ZNF804B: variants seen among roughly 807,000 people sequenced by gnomAD.
ZNF804B encodes zinc finger 804B.
ZNF804B carries 80 observed loss-of-function variants against 101.4 expected under a neutral mutation model. The observed-to-expected ratio is 0.79, with a 90% CI of 0.66 to 0.95. The LOEUF (loss-of-function observed/expected upper bound fraction) is 0.95, where lower values mean the gene tolerates loss of function less well. Among genes scored for constraint, ZNF804B ranks in the 40% least tolerant of loss-of-function variants. The pLI is 0.00. For synonymous variants in ZNF804B, 622 were observed against 558.8 expected (o/e 1.11, Z -1.59); for missense variants, 1,673 against 1,561.9 (o/e 1.07, Z -1.20).
chr7:89,096,153 T>TAAAAAAAA (rs10717569), intron 1 of ZNF804B, among the ~76,000 whole-genome samples: 1 of 136,700 alleles, frequency 7.3e-6, no homozygotes, highest in Non-Finnish European at 1.5e-5. Flanking sequence ...AGACTCCATT[T>TAAAAAAAA]AAAAAAAAAA....
intron 2 of ZNF804B, among the ~76,000 whole-genome samples, chr7:89,318,090 A>T (rs1181070270): frequency 6.6e-6 from 1 of 152,208 alleles, no homozygotes; most frequent in Non-Finnish European, 1.5e-5. Flanking sequence ...TGGTGATTAA[A>T]AGAGAAGGAC....
At chr7:89,139,254 A>G (rs537684821) in intron 1 of ZNF804B, among the ~76,000 whole-genome samples, 1 of 152,278 alleles carries the variant, frequency 6.6e-6, no homozygotes, top group Admixed American at 6.5e-5. Flanking sequence ...TAATAATTAT[A>G]TCAGCATTCA....
intron 1 of ZNF804B, among the ~76,000 whole-genome samples, chr7:88,896,074 C>G (rs1442921529): frequency 6.6e-6 from 1 of 152,134 alleles, no homozygotes; most frequent in Non-Finnish European, 1.5e-5. Context: ...CTGACAAGCA[C>G]TACCTTAGGC....
chr7:89,096,005 A>G (rs930221119), intron 1 of ZNF804B, among the ~76,000 whole-genome samples: 2 of 151,976 alleles, frequency 1.3e-5, no homozygotes, highest in African/African-American at 4.8e-5. Context: ...TAAAAAAAAA[A>G]TTAGCCGGGC....
Position 89,334,807 on chromosome 7 carries a change from C to T in ZNF804B, c.1825C>T (p.His609Tyr). The stretch of plus-strand genomic sequence containing the variant: ...CAAACTTAAGGAAGCTTCAAGGGCC[C>T]ATTGGCAAGGCTGCAGAAAGGCAGT... ...ENKLKEASRA[H>Y]WQGCRKAVLN... Residue 609 changes from histidine (H) to tyrosine (Y), a missense_variant, in exon 4 of 4, where the codon CAT becomes TAT. Physicochemically the swap from His to Tyr is moderately conservative, Grantham distance 83. Transcript: ENST00000333190. 1 of 1,613,814 alleles carries T rather than the reference C, an allele frequency of 6.2e-7. No homozygotes were observed. Among genetic ancestry groups the T allele is most frequent in the South Asian group, 1.1e-5 (1 of 91,064 alleles).
chr7:88,994,434 T>C (rs2116159568), intron 1 of ZNF804B, among the ~76,000 whole-genome samples: 1 of 152,174 alleles, frequency 6.6e-6, no homozygotes, highest in East Asian at 1.9e-4. Context: ...TTTCAGCTAT[T>C]TCATGACACA....
intron 1 of ZNF804B, among the ~76,000 whole-genome samples, chr7:89,042,119 A>T (rs1789024994): frequency 6.6e-6 from 1 of 152,188 alleles, no homozygotes; most frequent in South Asian, 2.1e-4. Context: ...GGTAAAGAAT[A>T]GATTCTAGCT....
intron 1 of ZNF804B, among the ~76,000 whole-genome samples, chr7:89,048,928 C>T (rs542389635): frequency 6.6e-6 from 1 of 151,926 alleles, no homozygotes; most frequent in Admixed American, 6.5e-5. Flanking sequence ...ATTTGTATGA[C>T]AACTTATCTT....
rs1005268121 is a variant in ZNF804B, at chr7:89,080,699, C to G, written c.109-137456C>G. Among the ~76,000 whole-genome samples the G allele has an allele frequency of 5.3e-5, 8 of 151,928 alleles. 1 individual carries two copies. The highest frequency in any genetic ancestry group is 1.9e-4 in the African/African-American group (8 of 41,412). On this transcript the variant is annotated intron_variant, in intron 1 of 3. Transcript: ENST00000333190. ...GGTGAACATAGTGAACTATTCAGTT[C>G]TGCCTCAGCATGCTCAATCTAGAAA... is the stretch of plus-strand genomic sequence containing the variant.
chr7:89,160,837 T>C (rs1325267534), intron 1 of ZNF804B, among the ~76,000 whole-genome samples: 1 of 152,202 alleles, frequency 6.6e-6, no homozygotes, highest in Non-Finnish European at 1.5e-5. Flanking sequence ...ACATTCTGCG[T>C]CATTATTCCC....
chr7:88,887,956 T>C (rs1792157505), intron 1 of ZNF804B, among the ~76,000 whole-genome samples: 1 of 152,214 alleles, frequency 6.6e-6, no homozygotes, highest in Admixed American at 6.5e-5. Flanking sequence ...AAAATATATG[T>C]ATTACTGAAA....
At chr7:89,293,787 T>A (rs1468477529) in intron 2 of ZNF804B, among the ~76,000 whole-genome samples, 1 of 147,960 alleles carries the variant, frequency 6.8e-6, no homozygotes, top group Non-Finnish European at 1.5e-5. Context: ...AGACTCCGTC[T>A]CAAAAAAAAA....
At chr7:89,022,929 A>C (rs2116217765) in intron 1 of ZNF804B, among the ~76,000 whole-genome samples, 1 of 152,282 alleles carries the variant, frequency 6.6e-6, no homozygotes, top group Non-Finnish European at 1.5e-5. Flanking sequence ...TAGGAGAAAA[A>C]ATAACTAGTT....
chr7:88,965,680 C>T (rs993363038), intron 1 of ZNF804B, among the ~76,000 whole-genome samples: 52 of 151,510 alleles, frequency 3.4e-4, no homozygotes, highest in African/African-American at 1.2e-3. Context: ...TCTACAATTC[C>T]CTAAGTTTGT....
intron 2 of ZNF804B, among the ~76,000 whole-genome samples, chr7:89,268,377 A>G (rs904029286): frequency 6.6e-6 from 1 of 151,966 alleles, no homozygotes; most frequent in African/African-American, 2.4e-5. Context: ...CCTCTTTCTC[A>G]TGTGTACATT....
At chr7:89,053,465 G>T (rs1789240275) in intron 1 of ZNF804B, among the ~76,000 whole-genome samples, 1 of 152,000 alleles carries the variant, frequency 6.6e-6, no homozygotes. Context: ...TATTCATTTT[G>T]AACTTCAAGT....
At chr7:88,791,627 C>T (rs1790382225) in intron 1 of ZNF804B, among the ~76,000 whole-genome samples, 1 of 151,986 alleles carries the variant, frequency 6.6e-6, no homozygotes, top group South Asian at 2.1e-4. Context: ...AATATACCCC[C>T]TATTGCTACT....
At chr7:89,188,118 A>T (rs1488664906) in intron 1 of ZNF804B, among the ~76,000 whole-genome samples, 1 of 151,870 alleles carries the variant, frequency 6.6e-6, no homozygotes, top group African/African-American at 2.4e-5. Flanking sequence ...GCCGCATCAA[A>T]CAAGTCTACA....
chr7:89,214,022 C>T (rs747214038), intron 1 of ZNF804B, among the ~76,000 whole-genome samples: 9 of 152,250 alleles, frequency 5.9e-5, no homozygotes, highest in African/African-American at 1.9e-4. Context: ...AAAAAACATA[C>T]GTGTTTTACG....
Sources: allele counts gnomAD v4.1 joint callset (sites outside exome capture counted in the v4.1 genomes callset), GRCh38; gene constraint gnomAD v4.1.1; transcripts MANE v1.5; gene names NCBI Gene and HGNC (gene_info 2026-07-23, HGNC 2026-07-21).